PRKCB: variants seen among roughly 807,000 people sequenced by gnomAD.
The protein encoded by PRKCB is protein kinase C beta type.
A neutral mutation model predicts 81.5 loss-of-function variants in PRKCB; 13 were observed. The ratio of observed to expected loss-of-function variants is 0.16; its 90% CI spans 0.10 to 0.25. The LOEUF (loss-of-function observed/expected upper bound fraction) is 0.25, where lower values mean the gene tolerates loss of function less well. Among genes scored for constraint, PRKCB ranks in the 10% least tolerant of loss-of-function variants. The pLI is 1.00. For missense variants in PRKCB, 509 were observed against 875.7 expected, an observed-to-expected ratio of 0.58 and a Z score of 5.29; for synonymous variants, 335 against 321.4, an observed-to-expected ratio of 1.04 and a Z score of -0.45.
At chr16:23,903,991 C>T (rs1597237813) in intron 2 of PRKCB, among the ~76,000 whole-genome samples, 2 of 152,136 alleles carry the variant, frequency 1.3e-5, no homozygotes, top group South Asian at 4.1e-4. Context: ...AAATATGTGT[C>T]GACTAAATGA....
chr16:24,006,906 A>G (rs573020118), intron 3 of PRKCB, among the ~76,000 whole-genome samples: 1 of 152,344 alleles, frequency 6.6e-6, no homozygotes, highest in South Asian at 2.1e-4. Flanking sequence ...CAATTTCTAA[A>G]TGCTACATTG....
At chr16:23,881,034 AACACCTTT>A (rs1567300523) in intron 2 of PRKCB, among the ~76,000 whole-genome samples, 3 of 152,138 alleles carry the variant, frequency 2.0e-5, no homozygotes, top group African/African-American at 7.2e-5. Flanking sequence ...GCTCTGATGA[AACACCTTT>A]TGCTGGCATT....
intron 2 of PRKCB, among the ~76,000 whole-genome samples, chr16:23,950,830 A>G (rs542944721): frequency 6.6e-6 from 1 of 152,342 alleles, no homozygotes; most frequent in East Asian, 1.9e-4. Flanking sequence ...TCCATAGTGA[A>G]TAATCACACA....
intron 3 of PRKCB, among the ~76,000 whole-genome samples, chr16:24,016,748 C>T (rs773915468): frequency 2.0e-5 from 3 of 152,170 alleles, no homozygotes; most frequent in African/African-American, 7.2e-5. Flanking sequence ...CCTAGCTCCC[C>T]CAATCTGTTT....
At chr16:24,093,820 A>G (rs1331923350) in intron 6 of PRKCB, among the ~76,000 whole-genome samples, 1 of 152,182 alleles carries the variant, frequency 6.6e-6, no homozygotes, top group African/African-American at 2.4e-5. Context: ...GTGCAGATAT[A>G]CACATGTACA....
At chr16:23,888,192 A>G (rs1278467901) in intron 2 of PRKCB, among the ~76,000 whole-genome samples, 1 of 152,174 alleles carries the variant, frequency 6.6e-6, no homozygotes, top group Non-Finnish European at 1.5e-5. Flanking sequence ...TCACCAATAA[A>G]TCAATGCTCT....
rs1435922630 is a variant in PRKCB at position 24,220,148 on chromosome 16, A to G, written c.*5332A>G. 3.7e-6 allele frequency: 6 copies of G among 1,611,654 alleles called. No homozygotes were observed. In the Admixed American group the frequency reaches 1.0e-4, roughly 27 times the overall value. On this transcript the variant is annotated 3_prime_UTR_variant, in exon 17 of 17. Coordinates refer to ENST00000643927, the MANE Select transcript of PRKCB (RefSeq NM_002738.7). ...AACTCCATCGTTGAGCCTGGGGTGT[A>G]AGACTTCAAGCCAAGCGTATGTATC...
At chr16:23,968,472 A>G (rs1475071779) in intron 2 of PRKCB, among the ~76,000 whole-genome samples, 1 of 152,190 alleles carries the variant, frequency 6.6e-6, no homozygotes, top group Non-Finnish European at 1.5e-5. Flanking sequence ...CATCGCCAGC[A>G]GGAACCATGG....
intron 2 of PRKCB, among the ~76,000 whole-genome samples, chr16:23,902,455 C>T (rs1963488091): frequency 6.6e-6 from 1 of 152,088 alleles, no homozygotes; most frequent in Non-Finnish European, 1.5e-5. Context: ...AATACTTATT[C>T]TGTACCGAGC....
intron 15 of PRKCB, among the ~76,000 whole-genome samples, chr16:24,190,342 C>CT (rs2141979281): frequency 6.6e-6 from 1 of 152,234 alleles, no homozygotes; most frequent in African/African-American, 2.4e-5. Context: ...GTAGCCTTTG[C>CT]TTTTGTCAAA....
chr16:23,917,793 C>T (rs1963764571), intron 2 of PRKCB, among the ~76,000 whole-genome samples: 1 of 152,104 alleles, frequency 6.6e-6, no homozygotes, highest in South Asian at 2.1e-4. Flanking sequence ...CAGTTTCTGG[C>T]AAGACATTAG....
rs539778171 is a variant in PRKCB, at chr16:24,016,915, T to C, written c.289-15221T>C. On this transcript the variant is annotated intron_variant, in intron 3 of 16. Coordinates refer to ENST00000643927, the MANE Select transcript of PRKCB (RefSeq NM_002738.7). ...TGACCCAACCTTGGTCTATTCAGCA[T>C]TGGCTGGAAGTATGAGGTCAGATGC... is the stretch of plus-strand genomic sequence containing the variant. Among the ~76,000 whole-genome samples, 3 of 152,352 alleles carry C rather than the reference T, an allele frequency of 2.0e-5. No individual in the cohort carries two copies. In the South Asian group the frequency reaches 6.2e-4, roughly 32 times the overall value.
chr16:24,011,625 TCCCACCTCAGCCTCCTGA>T (rs1031058165), intron 3 of PRKCB, among the ~76,000 whole-genome samples: 1 of 152,202 alleles, frequency 6.6e-6, no homozygotes, highest in African/African-American at 2.4e-5. Flanking sequence ...CAAGTGATCC[TCCCACCTCAGCCTCCTGA>T]GTGGTTAGGA....
intron 2 of PRKCB, among the ~76,000 whole-genome samples, chr16:23,890,454 A>G (rs1187274546): frequency 1.3e-5 from 2 of 152,100 alleles, no homozygotes; most frequent in Admixed American, 6.6e-5. Context: ...TGTTACTTCT[A>G]TGAAACAAGG....
intron 2 of PRKCB, among the ~76,000 whole-genome samples, chr16:23,925,633 G>C (rs1275198927): frequency 1.3e-5 from 2 of 152,054 alleles, no homozygotes; most frequent in Non-Finnish European, 2.9e-5. Context: ...TTTAAAAAAA[G>C]TTTTTACTTG....
chr16:24,044,083 G>T (rs1177512284), intron 5 of PRKCB, among the ~76,000 whole-genome samples: 1 of 152,032 alleles, frequency 6.6e-6, no homozygotes, highest in African/African-American at 2.4e-5. Context: ...GGCCAGGCGC[G>T]GTGGCTCACA....
At chr16:23,893,351 C>T (rs1963323647) in intron 2 of PRKCB, 1 of 152,206 alleles carries the variant, frequency 6.6e-6, no homozygotes, top group Non-Finnish European at 1.5e-5. Flanking sequence ...TTTTCTTTTC[C>T]CAGCTGTGCT....
intron 7 of PRKCB, among the ~76,000 whole-genome samples, chr16:24,101,334 G>T (rs572728719): frequency 1.3e-5 from 2 of 152,190 alleles, no homozygotes; most frequent in South Asian, 4.1e-4. Context: ...GATTGCTTCA[G>T]TTCGGGAGTT....
At chr16:23,949,232 C>CGAACGAATGGACAAAAGAAA in intron 2 of PRKCB, among the ~76,000 whole-genome samples, 1 of 152,128 alleles carries the variant, frequency 6.6e-6, no homozygotes, top group Non-Finnish European at 1.5e-5. Flanking sequence ...AAAGAAAGAA[C>CGAACGAATGGACAAAAGAAA]GAACGAATGG....
Sources: gnomAD v4.1 joint callset for allele counts (sites outside exome capture counted in the v4.1 genomes callset) on GRCh38, gnomAD v4.1.1 for gene constraint, MANE v1.5 for transcripts, NCBI Gene and HGNC (gene_info 2026-07-23, HGNC 2026-07-21) for gene names.